Variants in VPS54 observed in about 807,000 individuals in gnomAD.
VPS54 encodes vacuolar protein sorting-associated protein 54.
Under a neutral mutation model 121.5 loss-of-function variants are expected in VPS54, and 45 were observed. The ratio of observed to expected loss-of-function variants is 0.37; its 90% CI spans 0.29 to 0.47. The LOEUF is 0.47. Ranked by LOEUF, VPS54 falls within the 20% of genes least tolerant of loss-of-function variation. The pLI is 0.99. For missense variants in VPS54, 1,090 were observed against 1,131.4 expected (o/e 0.96, Z 0.52); for synonymous variants, 371 against 385.8 (o/e 0.96, Z 0.45).
At chr2:63,928,308 G>A (rs540934796) in intron 12 of VPS54, among the ~76,000 whole-genome samples, 17 of 152,318 alleles carry the variant, frequency 1.1e-4, no homozygotes, top group South Asian at 6.2e-4. Flanking sequence ...GACTAACAGC[G>A]GATGTCTCTG....
intron 1 of VPS54, among the ~76,000 whole-genome samples, chr2:64,007,161 G>C (rs918289404): frequency 6.6e-6 from 1 of 152,138 alleles, no homozygotes; most frequent in Non-Finnish European, 1.5e-5. Flanking sequence ...CCAAAGCATA[G>C]AAAAATGATC....
rs1213362172 is a variant in VPS54 at position 63,972,033 on chromosome 2, T to C, written c.457+133A>G. 2.6e-5 allele frequency: 12 copies of C among 454,080 alleles called. No homozygotes were observed. The East Asian group carries it at 3.8e-4, about 15-fold the overall frequency. The allele number at this position is 454,080 out of a possible 1,614,324, so 28.1% of individuals were successfully genotyped here. On this transcript the variant is annotated intron_variant, in intron 4 of 22. Coordinates refer to ENST00000272322, the MANE Select transcript of VPS54 (RefSeq NM_016516.3). ...TCTTAGAAGTTCTTAGAAAATATTATAATCATAGGTTATAAAAATTTTACT... is the reference window on the plus strand; with the variant it reads ...TCTTAGAAGTTCTTAGAAAATATTACAATCATAGGTTATAAAAATTTTACT...
At chr2:63,903,163 T>TA (rs995566566) in intron 20 of VPS54, among the ~76,000 whole-genome samples, 1 of 152,114 alleles carries the variant, frequency 6.6e-6, no homozygotes, top group Non-Finnish European at 1.5e-5. Context: ...ACACAGAACT[T>TA]AGACACATCA....
chr2:63,956,709 T>G (rs2104547399), intron 7 of VPS54, among the ~76,000 whole-genome samples: 1 of 152,280 alleles, frequency 6.6e-6, no homozygotes, highest in Middle Eastern at 3.4e-3. Context: ...TCTCACAGTT[T>G]TTTGGGGAGT....
chr2:64,003,583 G>T (rs1362914766), intron 1 of VPS54, among the ~76,000 whole-genome samples: 1 of 152,128 alleles, frequency 6.6e-6, no homozygotes, highest in Non-Finnish European at 1.5e-5. Flanking sequence ...AAATTTTATA[G>T]ATGAATGAAA....
intron 7 of VPS54, among the ~76,000 whole-genome samples, chr2:63,960,899 A>G (rs1413225089): frequency 6.6e-6 from 1 of 152,208 alleles, no homozygotes; most frequent in Admixed American, 6.5e-5. Flanking sequence ...ATGTACAGGT[A>G]TATTTTTGTG....
At chr2:63,915,437 C>T (rs185357722) in intron 16 of VPS54, among the ~76,000 whole-genome samples, 5 of 152,290 alleles carry the variant, frequency 3.3e-5, no homozygotes, top group African/African-American at 7.2e-5. Context: ...TATATGCATA[C>T]TGGTCTCTAT....
intron 16 of VPS54, among the ~76,000 whole-genome samples, chr2:63,914,581 T>C (rs1673295350): frequency 1.3e-5 from 2 of 152,152 alleles, no homozygotes; most frequent in South Asian, 2.1e-4. Context: ...ACAACAGGCA[T>C]AATACTCTCT....
chr2:64,007,208 T>C (rs1035110149), intron 1 of VPS54, among the ~76,000 whole-genome samples: 1 of 152,046 alleles, frequency 6.6e-6, no homozygotes, highest in Non-Finnish European at 1.5e-5. Context: ...AAAAAGAATA[T>C]TGGAAAGTGA....
Position 63,906,331 on chromosome 2 carries a change from G to A in VPS54, c.2625+6014C>T, listed in dbSNP as rs549433383. On this transcript the variant is annotated intron_variant, in intron 20 of 22. Coordinates refer to ENST00000272322, the MANE Select transcript of VPS54 (RefSeq NM_016516.3). ...AATATGTGAGTTTAGCAAGGATGCA[G>A]GACACAAAGTTAATATAGAAAAATC... is the stretch of plus-strand genomic sequence containing the variant. Among the ~76,000 whole-genome samples the A allele has an allele frequency of 2.0e-5, 3 of 152,098 alleles. No individual in the cohort carries two copies. The South Asian group carries it at 6.2e-4, about 32-fold the overall frequency.
chr2:63,991,847 G>C (rs772680418), intron 1 of VPS54, among the ~76,000 whole-genome samples: 2 of 152,170 alleles, frequency 1.3e-5, no homozygotes, highest in Non-Finnish European at 2.9e-5. Context: ...AGTCAACCCA[G>C]ATGGGTCCCA....
At chr2:64,012,476 A>C (rs1210685102) in intron 1 of VPS54, among the ~76,000 whole-genome samples, 1 of 127,314 alleles carries the variant, frequency 7.9e-6, no homozygotes, top group Non-Finnish European at 1.7e-5. Flanking sequence ...AAAAAAAAAA[A>C]GTCCCCAGAT....
At chr2:63,950,258 G>T (rs1029555726) in intron 7 of VPS54, among the ~76,000 whole-genome samples, 1 of 152,174 alleles carries the variant, frequency 6.6e-6, no homozygotes, top group Non-Finnish European at 1.5e-5. Context: ...CTTCAATGGT[G>T]TAATCCTTCC....
At chr2:63,966,004 T>C in intron 5 of VPS54, 38 bp from the exon 6 acceptor site, 1 of 1,586,292 alleles carries the variant, frequency 6.3e-7, no homozygotes, top group Non-Finnish European at 8.6e-7. Flanking sequence ...TAGATAAGTA[T>C]TTTCTTTATA....
At chr2:63,897,706 T>C (rs559458621) in intron 21 of VPS54, 116 bp from the exon 22 acceptor site, 16 of 605,938 alleles carry the variant, frequency 2.6e-5, no homozygotes, top group South Asian at 1.4e-4. Context: ...CTTTGACATA[T>C]ACTTTTAAAA....
At chr2:63,975,010 C>T (rs1676458998) in intron 3 of VPS54, 2 of 1,549,584 alleles carry the variant, frequency 1.3e-6, no homozygotes, top group African/African-American at 1.4e-5. Flanking sequence ...TAGTGGGAAG[C>T]ATCTAGTTTC....
chr2:63,924,165 G>A (rs535315980), intron 12 of VPS54, among the ~76,000 whole-genome samples: 1 of 152,336 alleles, frequency 6.6e-6, no homozygotes, highest in Non-Finnish European at 1.5e-5. Context: ...CAGTTTAAAA[G>A]GATCTCAAAT....
intron 12 of VPS54, among the ~76,000 whole-genome samples, chr2:63,924,281 C>G (rs1239011357): frequency 6.6e-6 from 1 of 152,198 alleles, no homozygotes; most frequent in Non-Finnish European, 1.5e-5. Flanking sequence ...ATTTCTCAAG[C>G]TTCCCTTATA....
chr2:63,960,034 T>A (rs1258915222), intron 7 of VPS54, among the ~76,000 whole-genome samples: 3 of 150,314 alleles, frequency 2.0e-5, no homozygotes, highest in Non-Finnish European at 3.0e-5. Flanking sequence ...AAATAAAAAA[T>A]AAATAAATAA....
Sources: gnomAD v4.1 joint callset for allele counts (sites outside exome capture counted in the v4.1 genomes callset) on GRCh38, gnomAD v4.1.1 for gene constraint, MANE v1.5 for transcripts, NCBI Gene and HGNC (gene_info 2026-07-23, HGNC 2026-07-21) for gene names.